Variants in HPS4 observed in about 807,000 individuals in gnomAD.
The protein encoded by HPS4 is HPS4 biogenesis of lysosomal organelles complex 3 subunit 2, also known as BLOC-3 complex member HPS4.
In HPS4, 44 loss-of-function variants were observed where a neutral mutation model predicts 70.3. That is an observed-to-expected ratio of 0.63 (90% confidence interval 0.49 to 0.80). The LOEUF (loss-of-function observed/expected upper bound fraction) is 0.80. Ranked by LOEUF, HPS4 falls within the 30% of genes least tolerant of loss-of-function variation. HPS4 has a pLI of 0.00. For missense variants in HPS4, 873 were observed against 884.4 expected (o/e 0.99, Z 0.16); for synonymous variants, 377 against 355.9 (o/e 1.06, Z -0.67).
At chr22:26,469,017 T>C (rs1305716599) in intron 7 of HPS4, among the ~76,000 whole-genome samples, 1 of 152,088 alleles carries the variant, frequency 6.6e-6, no homozygotes, top group Admixed American at 6.6e-5. Context: ...ACTGTATGCG[T>C]TGAGAAACCA....
chr22:26,457,959 G>A lies in HPS4; in HGVS notation c.1855C>T (p.Pro619Ser). Reference sequence around the variant, plus strand: ...CGATCCTGCGGGGTGGCCACCTGCGGCAGGTTTGCTTCCAGAAGAGGACAC... The same window carrying A: ...CGATCCTGCGGGGTGGCCACCTGCGACAGGTTTGCTTCCAGAAGAGGACAC... ...RIQSLLMANL[P>S]QVATPQDRRF... The change falls in exon 13 of 14, where the codon CCG becomes TCG. Residue 619 changes from proline (P) to serine (S), a missense_variant. Pro to Ser is a moderately conservative substitution (Grantham distance 74, BLOSUM62 -1). Transcript: ENST00000398145. 1.9e-6 allele frequency: 3 copies of A among 1,613,102 alleles called. No homozygotes were observed. Among genetic ancestry groups the A allele is most frequent in the African/African-American group, 2.7e-5 (2 of 75,060 alleles).
intron 5 of HPS4, 137 bp from the exon 6 acceptor site, chr22:26,472,555 A>G (rs1331347202): frequency 1.7e-5 from 13 of 773,266 alleles, no homozygotes; most frequent in South Asian, 7.0e-5. Context: ...AACCTATCCC[A>G]TCACAGATCC....
At chr22:26,475,347 C>CTTTTTTTTTTTTTT (rs5844705) in intron 4 of HPS4, 1 of 95,644 alleles carries the variant, frequency 1.0e-5, no homozygotes, top group Non-Finnish European at 2.0e-5. Flanking sequence ...CATTAAATTT[C>CTTTTTTTTTTTTTT]TTTTTTTTTT....
In HPS4 at chr22:26,472,890, A is replaced by G. The variant is rs1487078967; in HGVS notation, c.326T>C (p.Leu109Pro). Reference sequence around the variant, plus strand: ...ATTAAAGAATCCAACTAGCTGATCCAGAAACCGCTTGCAGCTGACATCAGG... The same window carrying G: ...ATTAAAGAATCCAACTAGCTGATCCGGAAACCGCTTGCAGCTGACATCAGG... The part of the protein sequence containing the change: ...ELPDVSCKRF[L>P]DQLVGFFNFY... Residue 109 changes from leucine to proline, a missense_variant, in exon 5 of 14, where the codon CTG (leucine) becomes CCG (proline). Transcript: ENST00000398145. 6.2e-7 allele frequency: 1 copy of G among 1,614,156 alleles called. No individual in the cohort carries two copies. Among genetic ancestry groups the G allele is most frequent in the African/African-American group, 1.3e-5 (1 of 74,950 alleles).
At chr22:26,449,950 C>T (rs2085087629), downstream of HPS4, among the ~76,000 whole-genome samples, 1 of 152,234 alleles carries the variant, frequency 6.6e-6, no homozygotes, top group Non-Finnish European at 1.5e-5. Context: ...GGGCAGAATC[C>T]ACTTCTTGCC....
chr22:26,463,462 G>A (rs936837364), intron 11 of HPS4, among the ~76,000 whole-genome samples: 18 of 152,206 alleles, frequency 1.2e-4, no homozygotes, highest in Admixed American at 9.8e-4. Flanking sequence ...ATGCACGTAC[G>A]TGTGCAGTCT....
At chr22:26,443,257 C>T (rs767343064), downstream of HPS4, 1 of 1,495,964 alleles carries the variant, frequency 6.7e-7, no homozygotes, top group Non-Finnish European at 9.3e-7. Flanking sequence ...GGGGCCTGGG[C>T]AGACTGTGGT....
intron 3 of HPS4, chr22:26,444,751 G>GGTGC (rs2084897827): frequency 6.6e-6 from 1 of 152,230 alleles, no homozygotes; most frequent in Non-Finnish European, 1.5e-5. Flanking sequence ...AGTGTGCAAA[G>GGTGC]AGCACGTCTA....
chr22:26,445,520 A>G (rs1411779724), intron 3 of HPS4, among the ~76,000 whole-genome samples: 1 of 152,174 alleles, frequency 6.6e-6, no homozygotes, highest in Non-Finnish European at 1.5e-5. Context: ...GGAGCAATAG[A>G]TGTCTAACTG....
downstream of HPS4, among the ~76,000 whole-genome samples, chr22:26,446,281 AC>A (rs1258711298): frequency 6.6e-6 from 1 of 151,824 alleles, no homozygotes. Flanking sequence ...CTGATCCCAA[AC>A]CCTTTCTCCC....
rs541387663 is a variant in HPS4, at chr22:26,470,675, A to G, written c.596+44T>C. 1.8e-5 allele frequency: 29 copies of G among 1,590,028 alleles called. No homozygotes were observed. The Admixed American group carries it at 4.8e-4, about 27-fold the overall frequency. On this transcript the variant is annotated intron_variant, in intron 7 of 13. Coordinates refer to ENST00000398145, the MANE Select transcript of HPS4 (RefSeq NM_022081.6). ...GGAGGTGGCTGATGGTCAGTTGTGC[A>G]GCAAGGGAATGGGGCTGGAAGAAAG... is the stretch of plus-strand genomic sequence containing the variant.
chr22:26,461,433 G>T (rs754264408), intron 11 of HPS4, among the ~76,000 whole-genome samples: 8 of 152,078 alleles, frequency 5.3e-5, no homozygotes, highest in Non-Finnish European at 7.4e-5. Flanking sequence ...CCCTCTGAGG[G>T]AATTCCAGCC....
At chr22:26,457,469 G>C (rs1325713872) in intron 13 of HPS4, among the ~76,000 whole-genome samples, 1 of 152,028 alleles carries the variant, frequency 6.6e-6, no homozygotes, top group Admixed American at 6.6e-5. Flanking sequence ...CCCCTGCCTC[G>C]CAAAGTGCTG....
downstream of HPS4, among the ~76,000 whole-genome samples, chr22:26,448,674 AAGC>A (rs1202762979): frequency 2.0e-5 from 3 of 152,166 alleles, no homozygotes; most frequent in African/African-American, 7.2e-5. Flanking sequence ...CAGGATTCCA[AAGC>A]ACTCTCTGGG....
In HPS4 at chr22:26,463,913, T is replaced by A; in HGVS notation, c.1713+4A>T. The A allele has an allele frequency of 6.2e-7, 1 of 1,612,680 alleles. No homozygotes were observed. Among genetic ancestry groups the A allele is most frequent in the African/African-American group, 1.3e-5 (1 of 75,010 alleles). On this transcript the variant is annotated splice_donor_region_variant and intron_variant, in intron 11 of 13. Transcript: ENST00000398145. ...GGGGCAGGAGAAGGTCTGAGGACAC[T>A]CACCACTTCCTCTATGGCTGCGCTG... is the stretch of plus-strand genomic sequence containing the variant.
In HPS4 at chr22:26,452,760, G is replaced by T. The variant is rs1451266985; in HGVS notation, c.*473C>A. 4.1e-6 allele frequency: 1 copy of T among 246,454 alleles called. No individual in the cohort carries two copies. The highest frequency in any genetic ancestry group is 8.0e-6 in the Non-Finnish European group (1 of 124,442). 15.3% of individuals were successfully genotyped at this position (246,454 alleles called of 1,614,324 possible). On this transcript the variant is annotated 3_prime_UTR_variant, in exon 14 of 14. Coordinates refer to ENST00000398145, the MANE Select transcript of HPS4 (RefSeq NM_022081.6). ...CTGGAGAAACCTACCTGCGGCGTGG[G>T]AGTGGAGTCGGCCTGCTCACAGATC...
At chr22:26,478,908 T>G (rs2090957061) in intron 3 of HPS4, among the ~76,000 whole-genome samples, 2 of 152,166 alleles carry the variant, frequency 1.3e-5, no homozygotes, top group Middle Eastern at 3.4e-3. Context: ...GGTCTCAAAC[T>G]CCTGACCTCA....
At chr22:26,443,201 C>T (rs1023027449), downstream of HPS4, 12 of 1,613,778 alleles carry the variant, frequency 7.4e-6, no homozygotes, top group East Asian at 1.1e-4. Flanking sequence ...TGCTCCGGGA[C>T]GATGAGAGTA....
downstream of HPS4, among the ~76,000 whole-genome samples, chr22:26,450,573 G>T (rs1486514821): frequency 1.3e-5 from 2 of 152,186 alleles, no homozygotes; most frequent in African/African-American, 4.8e-5. Flanking sequence ...GTAGGAATCT[G>T]ATTGCCACTT....
Sources: gnomAD v4.1 joint callset for allele counts (sites outside exome capture counted in the v4.1 genomes callset) on GRCh38, gnomAD v4.1.1 for gene constraint, MANE v1.5 for transcripts, NCBI Gene and HGNC (gene_info 2026-07-23, HGNC 2026-07-21) for gene names.